PCDH15: variants seen among roughly 807,000 people sequenced by gnomAD.
The protein encoded by PCDH15 is protocadherin related 15, also known as protocadherin-15.
PCDH15 carries 129 observed loss-of-function variants against 178.5 expected under a neutral mutation model. That is an observed-to-expected ratio of 0.72 (90% CI 0.63 to 0.84). The LOEUF (loss-of-function observed/expected upper bound fraction) is 0.84. Among genes scored for constraint, PCDH15 ranks in the 40% least tolerant of loss-of-function variants. The pLI, the probability that PCDH15 is intolerant of heterozygous loss-of-function variation, is 0.00. For synonymous variants in PCDH15, 800 were observed against 732.0 expected (o/e 1.09, Z -1.50); for missense variants, 2,230 against 2,099.9 (o/e 1.06, Z -1.21).
chr10:55,548,557 T>C (rs1323481125), intron 2 of PCDH15, among the ~76,000 whole-genome samples: 1 of 152,180 alleles, frequency 6.6e-6, no homozygotes, highest in Non-Finnish European at 1.5e-5. Context: ...GGGAGATTAC[T>C]CAGGAGGCAG....
chr10:53,980,371 T>A (rs1244262715), intron 21 of PCDH15, among the ~76,000 whole-genome samples: 6 of 152,190 alleles, frequency 3.9e-5, no homozygotes, highest in African/African-American at 7.2e-5. Flanking sequence ...AAAATATGTA[T>A]ATTTTAAAAA....
intron 3 of PCDH15, 125 bp downstream of exon 3, chr10:54,527,687 G>T: frequency 1.7e-6 from 1 of 595,014 alleles, no homozygotes; most frequent in South Asian, 3.2e-5. Context: ...CATACTGGAG[G>T]GGAATTATCC....
chr10:54,660,693 T>TAGAC (rs946448981), intron 2 of PCDH15, among the ~76,000 whole-genome samples: 5 of 151,970 alleles, frequency 3.3e-5, no homozygotes, highest in African/African-American at 1.2e-4. Context: ...CCCTGATGAA[T>TAGAC]AGACACAAAA....
intron 11 of PCDH15, among the ~76,000 whole-genome samples, chr10:54,192,107 G>C (rs1441470281): frequency 1.1e-5 from 1 of 90,410 alleles, no homozygotes; most frequent in African/African-American, 4.7e-5. Flanking sequence ...AAGGAAGAAA[G>C]AAAAAAAAAA....
chr10:54,535,191 C>G (rs895564413), intron 2 of PCDH15, among the ~76,000 whole-genome samples: 1 of 152,118 alleles, frequency 6.6e-6, no homozygotes, highest in African/African-American at 2.4e-5. Context: ...TTGATGAAGA[C>G]TTTAAAACAA....
chr10:54,796,285 T>TCTATCTATCTAA (rs1300975238), intron 1 of PCDH15, among the ~76,000 whole-genome samples: 1 of 118,114 alleles, frequency 8.5e-6, no homozygotes, highest in African/African-American at 3.7e-5. Context: ...TATCTATGTA[T>TCTATCTATCTAA]CTATCTATCT....
intron 2 of PCDH15, among the ~76,000 whole-genome samples, chr10:55,488,532 T>C (rs1034323597): frequency 2.0e-5 from 3 of 151,564 alleles, no homozygotes; most frequent in African/African-American, 4.8e-5. Flanking sequence ...TTCAAATAAA[T>C]ATCAGATAGT....
chr10:55,346,852 G>A (rs780257913), intron 2 of PCDH15, among the ~76,000 whole-genome samples: 1 of 152,016 alleles, frequency 6.6e-6, no homozygotes, highest in Non-Finnish European at 1.5e-5. Flanking sequence ...ATTGAGAGCA[G>A]AGAATCCAGG....
At chr10:54,733,383 C>T (rs1943665568) in intron 1 of PCDH15, among the ~76,000 whole-genome samples, 1 of 151,432 alleles carries the variant, frequency 6.6e-6, no homozygotes, top group Non-Finnish European at 1.5e-5. Context: ...TATCATAAAA[C>T]AATTAGATAT....
At chr10:55,279,424 C>A (rs931980375) in intron 1 of PCDH15, among the ~76,000 whole-genome samples, 2 of 152,106 alleles carry the variant, frequency 1.3e-5, no homozygotes, top group African/African-American at 4.8e-5. Context: ...TATTAGATTT[C>A]CTTTGAAATG....
At chr10:54,183,309 T>C in intron 13 of PCDH15, 135 bp downstream of exon 13, 1 of 887,362 alleles carries the variant, frequency 1.1e-6, no homozygotes. Context: ...AATTTAAAGC[T>C]ATTTAAACTA....
Position 54,037,253 on chromosome 10 carries a change from G to GA in PCDH15, c.2221-14057dup, listed in dbSNP as rs1187286801. Among the ~76,000 whole-genome samples, 7 of 151,932 alleles carry GA rather than the reference G, an allele frequency of 4.6e-5. No individual in the cohort carries two copies. In the East Asian group the frequency reaches 1.2e-3, roughly 25 times the overall value. ...GATTAAGAAGATTGACTCCAATTCT[G>GA]AAAAAAACTTATTTAGCTACAATGC... is the stretch of plus-strand genomic sequence containing the variant. On this transcript the variant is annotated intron_variant, in intron 18 of 37. Transcript: ENST00000644397.
At chr10:55,327,303 A>T (rs151319139) in intron 2 of PCDH15, among the ~76,000 whole-genome samples, 78 of 152,216 alleles carry the variant, frequency 5.1e-4, no homozygotes, top group African/African-American at 1.8e-3. Context: ...AAATTGTGAG[A>T]AATAAATTTC....
At chr10:55,468,712 AT>A (rs1007200954) in intron 2 of PCDH15, among the ~76,000 whole-genome samples, 2 of 152,200 alleles carry the variant, frequency 1.3e-5, no homozygotes, top group Non-Finnish European at 2.9e-5. Flanking sequence ...GCTTTAAAAA[AT>A]ATTTGAATTT....
At chr10:55,496,949 T>C (rs1840547956) in intron 2 of PCDH15, among the ~76,000 whole-genome samples, 1 of 151,868 alleles carries the variant, frequency 6.6e-6, no homozygotes, top group Non-Finnish European at 1.5e-5. Context: ...TTTATGAGTC[T>C]CCACAAAATA....
intron 3 of PCDH15, among the ~76,000 whole-genome samples, chr10:54,408,179 T>C (rs1482702438): frequency 6.7e-6 from 1 of 149,288 alleles, no homozygotes; most frequent in East Asian, 2.0e-4. Context: ...AAAAAAAAAA[T>C]TGATGCATGC....
chr10:55,461,878 A>T (rs1839686817), intron 2 of PCDH15, among the ~76,000 whole-genome samples: 1 of 152,136 alleles, frequency 6.6e-6, no homozygotes, highest in Non-Finnish European at 1.5e-5. Context: ...ATTATCATTC[A>T]TCTGGTTGAA....
At chr10:54,397,490 T>G (rs536280201) in intron 3 of PCDH15, among the ~76,000 whole-genome samples, 1 of 152,218 alleles carries the variant, frequency 6.6e-6, no homozygotes, top group East Asian at 1.9e-4. Flanking sequence ...TAGCCTTGAA[T>G]AAAGTCTTGC....
intron 2 of PCDH15, among the ~76,000 whole-genome samples, chr10:55,131,604 A>C (rs1386036027): frequency 6.6e-6 from 1 of 152,078 alleles, no homozygotes; most frequent in African/African-American, 2.4e-5. Flanking sequence ...GAGATGCTTT[A>C]TTGAGTGTCA....
Sources: allele counts gnomAD v4.1 joint callset (sites outside exome capture counted in the v4.1 genomes callset), GRCh38; gene constraint gnomAD v4.1.1; transcripts MANE v1.5; gene names NCBI Gene and HGNC (gene_info 2026-07-23, HGNC 2026-07-21).